Variants in CNTN5 observed in about 807,000 individuals in gnomAD.
The protein encoded by CNTN5 is contactin 5.
A neutral mutation model predicts 129.1 loss-of-function variants in CNTN5; 77 were observed. The observed-to-expected ratio is 0.60, with a 90% CI of 0.50 to 0.72. The LOEUF (loss-of-function observed/expected upper bound fraction) is 0.72. CNTN5 is among the 30% of genes least tolerant of loss of function. CNTN5 has a pLI of 0.00. For missense variants in CNTN5, 1,478 were observed against 1,328.8 expected, an observed-to-expected ratio of 1.11 and a Z score of -1.75; for synonymous variants, 509 against 465.6, an observed-to-expected ratio of 1.09 and a Z score of -1.20.
chr11:99,890,221 G>A (rs1189316647), intron 6 of CNTN5, among the ~76,000 whole-genome samples: 1 of 152,190 alleles, frequency 6.6e-6, no homozygotes. Context: ...GGTGGGATAT[G>A]TCAACAGGAG....
chr11:100,158,036 G>C (rs1947316412), intron 13 of CNTN5, among the ~76,000 whole-genome samples: 1 of 151,490 alleles, frequency 6.6e-6, no homozygotes, highest in South Asian at 2.1e-4. Flanking sequence ...AAAGGAAAAG[G>C]GAGGAAAAAA....
intron 1 of CNTN5, among the ~76,000 whole-genome samples, chr11:99,038,609 G>T (rs1265574460): frequency 1.3e-5 from 2 of 151,958 alleles, no homozygotes; most frequent in Non-Finnish European, 2.9e-5. Flanking sequence ...ATGTAACATT[G>T]CTTATTACAA....
chr11:99,464,401 A>G (rs1423754832), intron 2 of CNTN5, among the ~76,000 whole-genome samples: 1 of 152,216 alleles, frequency 6.6e-6, no homozygotes, highest in Non-Finnish European at 1.5e-5. Flanking sequence ...CAGCAATCAA[A>G]CAATTTCATT....
intron 1 of CNTN5, among the ~76,000 whole-genome samples, chr11:99,202,578 A>G (rs572907817): frequency 7.2e-5 from 11 of 152,274 alleles, no homozygotes; most frequent in African/African-American, 2.2e-4. Flanking sequence ...CTAAGAAATA[A>G]CAAATTAGTG....
Position 99,956,805 on chromosome 11 carries a change from G to A in CNTN5, c.674-1G>A, listed in dbSNP as rs1370080780. The A allele has an allele frequency of 6.2e-7, 1 of 1,612,584 alleles. No homozygotes were observed. ...GTTGACCAAATTTTGTGTATTTTCA[G>A]AGATCATCTATAGCTGGGTATTTAA... is the stretch of plus-strand genomic sequence containing the variant. On this transcript the variant is annotated splice_acceptor_variant, in intron 7 of 24. Coordinates refer to ENST00000524871, the MANE Select transcript of CNTN5 (RefSeq NM_014361.4). LOFTEE classifies it high-confidence loss of function.
intron 3 of CNTN5, among the ~76,000 whole-genome samples, chr11:99,739,667 C>A (rs966846972): frequency 8.5e-5 from 13 of 152,114 alleles, no homozygotes; most frequent in African/African-American, 2.6e-4. Flanking sequence ...ACAACAGTGC[C>A]CCCTGATGGG....
At chr11:99,782,148 T>C (rs1378052519) in intron 3 of CNTN5, among the ~76,000 whole-genome samples, 2 of 151,078 alleles carry the variant, frequency 1.3e-5, no homozygotes, top group East Asian at 2.0e-4. Context: ...AGAAAATCAA[T>C]GTACAAAAAT....
Position 100,070,432 on chromosome 11 carries a change from C to G in CNTN5, c.1171C>G (p.His391Asp), listed in dbSNP as rs763678196. ...TGCTTACATACTTACAGCCTACCCA[C>G]ACTGGGTAGAAAAACTGAATGATAC... ...RGQLQVYTYPHWVEKLNDTQL... is the reference protein window; with the variant it reads ...RGQLQVYTYPDWVEKLNDTQL... The change falls in exon 11 of 25, where the codon CAC becomes GAC. Residue 391 changes from histidine (H) to aspartate (D), a missense_variant. Physicochemically the swap from His to Asp is moderately conservative, Grantham distance 81. Coordinates refer to ENST00000524871, the MANE Select transcript of CNTN5 (RefSeq NM_014361.4). The G allele has an allele frequency of 1.2e-6, 2 of 1,611,596 alleles. No individual in the cohort carries two copies. The highest frequency in any genetic ancestry group is 1.7e-6 in the Non-Finnish European group (2 of 1,178,624).
intron 13 of CNTN5, among the ~76,000 whole-genome samples, chr11:100,131,087 C>T (rs2138208197): frequency 6.6e-6 from 1 of 152,072 alleles, no homozygotes; most frequent in African/African-American, 2.4e-5. Context: ...ATCCTCGTGG[C>T]AATGGTAAGA....
chr11:99,862,144 A>G (rs868793195), intron 6 of CNTN5, among the ~76,000 whole-genome samples: 6 of 152,200 alleles, frequency 3.9e-5, no homozygotes, highest in African/African-American at 1.4e-4. Context: ...CTGTCAACCT[A>G]ACCATGTTTA....
intron 7 of CNTN5, among the ~76,000 whole-genome samples, chr11:99,943,846 A>G (rs370202169): frequency 6.6e-6 from 1 of 151,840 alleles, no homozygotes; most frequent in South Asian, 2.1e-4. Flanking sequence ...CTGGTTGTAG[A>G]TGTGTGGTGT....
At chr11:99,967,048 G>A (rs1200327080) in intron 8 of CNTN5, among the ~76,000 whole-genome samples, 1 of 152,134 alleles carries the variant, frequency 6.6e-6, no homozygotes, top group Non-Finnish European at 1.5e-5. Flanking sequence ...CCTGGAAGAG[G>A]TGATATCTGA....
chr11:100,098,037 G>A (rs1460159727), intron 13 of CNTN5, among the ~76,000 whole-genome samples: 1 of 151,860 alleles, frequency 6.6e-6, no homozygotes, highest in Non-Finnish European at 1.5e-5. Context: ...TAGGTAATAG[G>A]TTAGCTTTAC....
rs535521490 is a variant in CNTN5 at position 100,134,692 on chromosome 11, A to T, written c.1581-56434A>T. ...TGCAACAAAACTGCACATTCTGATC[A>T]TCCATCAGCCTTAAAGGCCTCTATC... On this transcript the variant is annotated intron_variant, in intron 13 of 24. Transcript: ENST00000524871. 4.6e-5 allele frequency among the ~76,000 whole-genome samples: 7 copies of T among 152,272 alleles called. No homozygotes were observed. In the East Asian group the frequency reaches 1.4e-3, roughly 29 times the overall value.
chr11:99,991,672 A>T (rs72994854), intron 8 of CNTN5, among the ~76,000 whole-genome samples: 1 of 152,292 alleles, frequency 6.6e-6, no homozygotes, highest in Non-Finnish European at 1.5e-5. Context: ...ATTCTGTCTT[A>T]ATTGGCTGCC....
chr11:100,223,218 A>C (rs958034961), intron 15 of CNTN5, among the ~76,000 whole-genome samples: 15 of 152,142 alleles, frequency 9.9e-5, no homozygotes, highest in African/African-American at 2.9e-4. Flanking sequence ...TGTCCTTGTA[A>C]ATGACTAAAC....
In CNTN5 at chr11:100,241,782, A is replaced by AC. The variant is rs1229545183; in HGVS notation, c.2006-13976dup. Among the ~76,000 whole-genome samples the AC allele has an allele frequency of 3.3e-5, 5 of 152,222 alleles. No individual in the cohort carries two copies. The East Asian group carries it at 5.8e-4, about 18-fold the overall frequency. On this transcript the variant is annotated intron_variant, in intron 16 of 24. Coordinates refer to ENST00000524871, the MANE Select transcript of CNTN5 (RefSeq NM_014361.4). ...CATGCTCTAAGTAAGACCGCAAGAG[A>AC]CCAGCATGCAAAGGATCCTCAGAAA...
At chr11:99,869,463 G>C (rs1429843831) in intron 6 of CNTN5, among the ~76,000 whole-genome samples, 1 of 152,016 alleles carries the variant, frequency 6.6e-6, no homozygotes, top group East Asian at 1.9e-4. Context: ...TTATGAAACT[G>C]GTATAATTTT....
chr11:99,475,155 T>C (rs988580127), intron 2 of CNTN5, among the ~76,000 whole-genome samples: 1 of 151,934 alleles, frequency 6.6e-6, no homozygotes, highest in Non-Finnish European at 1.5e-5. Flanking sequence ...GATTAGACCA[T>C]GTAAGATCCA....
Sources: allele counts gnomAD v4.1 joint callset (sites outside exome capture counted in the v4.1 genomes callset), GRCh38; gene constraint gnomAD v4.1.1; transcripts MANE v1.5; gene names NCBI Gene and HGNC (gene_info 2026-07-23, HGNC 2026-07-21).